Variants in ZNF804B observed in about 807,000 individuals in gnomAD.
The protein encoded by ZNF804B is zinc finger 804B.
ZNF804B carries 80 observed loss-of-function variants against 101.4 expected under a neutral mutation model. That is an observed-to-expected ratio of 0.79 (90% CI 0.66 to 0.95). ZNF804B has a LOEUF of 0.95. ZNF804B is among the 40% of genes least tolerant of loss of function. ZNF804B has a pLI of 0.00. For synonymous variants in ZNF804B, 622 were observed against 558.8 expected (o/e 1.11, Z -1.59); for missense variants, 1,673 against 1,561.9 (o/e 1.07, Z -1.20).
chr7:89,219,723 C>A (rs530945191), intron 2 of ZNF804B, among the ~76,000 whole-genome samples: 18 of 100,434 alleles, frequency 1.8e-4, no homozygotes, highest in Non-Finnish European at 2.9e-4. Context: ...ATGGACCTGG[C>A]ATGTTGGAAT....
intron 1 of ZNF804B, among the ~76,000 whole-genome samples, chr7:89,073,276 T>A (rs1228929153): frequency 6.6e-6 from 1 of 152,028 alleles, no homozygotes; most frequent in Non-Finnish European, 1.5e-5. Context: ...GGAAAATAAA[T>A]TTTCACCTTG....
intron 1 of ZNF804B, among the ~76,000 whole-genome samples, chr7:88,874,482 C>T (rs905600798): frequency 6.6e-6 from 1 of 151,976 alleles, no homozygotes; most frequent in Non-Finnish European, 1.5e-5. Context: ...TGCCTAATTG[C>T]CCTGGCTAGA....
intron 2 of ZNF804B, among the ~76,000 whole-genome samples, chr7:89,219,291 A>G (rs1788944752): frequency 6.6e-6 from 1 of 152,148 alleles, no homozygotes; most frequent in Non-Finnish European, 1.5e-5. Context: ...TATAGGAAAT[A>G]TTAGGTCTTT....
Position 89,308,541 on chromosome 7 carries a change from G to T in ZNF804B, c.250-18803G>T, listed in dbSNP as rs537591904. 2.1e-3 allele frequency among the ~76,000 whole-genome samples: 318 copies of T among 152,224 alleles called. 2 individuals carry two copies. Among genetic ancestry groups the T allele is most frequent in the Middle Eastern group, 3.4e-3 (1 of 294 alleles). ...ATATTACTAACAGTTAAATAATACT[G>T]ATATTTTTCTGCAAATATAATTACC... On this transcript the variant is annotated intron_variant, in intron 2 of 3. Transcript: ENST00000333190.
chr7:89,272,266 G>C (rs1789909897), intron 2 of ZNF804B, among the ~76,000 whole-genome samples: 1 of 151,968 alleles, frequency 6.6e-6, no homozygotes, highest in Non-Finnish European at 1.5e-5. Context: ...ATAGCAAATG[G>C]TCAATAAATA....
chr7:89,191,397 A>C (rs979869310), intron 1 of ZNF804B, among the ~76,000 whole-genome samples: 1 of 152,158 alleles, frequency 6.6e-6, no homozygotes, highest in African/African-American at 2.4e-5. Flanking sequence ...GCAACTGATA[A>C]GTGGCCATAA....
At chr7:89,136,865 G>A (rs1190600598) in intron 1 of ZNF804B, among the ~76,000 whole-genome samples, 1 of 151,896 alleles carries the variant, frequency 6.6e-6, no homozygotes, top group African/African-American at 2.4e-5. Context: ...TTGAATAATT[G>A]GGGGAGGTCT....
At chr7:88,811,502 T>C (rs1790786779) in intron 1 of ZNF804B, among the ~76,000 whole-genome samples, 1 of 152,208 alleles carries the variant, frequency 6.6e-6, no homozygotes. Context: ...TAAAACATTC[T>C]ATTATAAAGG....
At chr7:88,894,218 CTT>C (rs1237729027) in intron 1 of ZNF804B, among the ~76,000 whole-genome samples, 1 of 144,462 alleles carries the variant, frequency 6.9e-6, no homozygotes, top group Admixed American at 6.9e-5. Context: ...TATGCAATCC[CTT>C]TTTTTTTTTT....
chr7:89,129,458 T>C (rs1171892208), intron 1 of ZNF804B, among the ~76,000 whole-genome samples: 1 of 151,966 alleles, frequency 6.6e-6, no homozygotes, highest in Non-Finnish European at 1.5e-5. Context: ...AAAATAAATG[T>C]GCACTTCCCA....
At chr7:88,837,883 C>T (rs1249607224) in intron 1 of ZNF804B, among the ~76,000 whole-genome samples, 3 of 151,492 alleles carry the variant, frequency 2.0e-5, no homozygotes, top group Non-Finnish European at 4.4e-5. Context: ...CACTAATCTC[C>T]CCAAGTTTTT....
intron 1 of ZNF804B, among the ~76,000 whole-genome samples, chr7:89,119,043 T>C (rs1790359555): frequency 6.6e-6 from 1 of 152,196 alleles, no homozygotes; most frequent in Non-Finnish European, 1.5e-5. Context: ...GCCAATTGTA[T>C]CAGTTAATTC....
chr7:88,791,393 A>G (rs1375424666), intron 1 of ZNF804B, among the ~76,000 whole-genome samples: 1 of 152,090 alleles, frequency 6.6e-6, no homozygotes, highest in Non-Finnish European at 1.5e-5. Context: ...CACTGTGTTT[A>G]TTTTCCAGTT....
chr7:89,038,474 A>T (rs1421445901), intron 1 of ZNF804B, among the ~76,000 whole-genome samples: 1 of 152,050 alleles, frequency 6.6e-6, no homozygotes, highest in Non-Finnish European at 1.5e-5. Flanking sequence ...TTTGAGAAAC[A>T]TTTATTCAGG....
At chr7:89,074,395 C>G (rs772650858) in intron 1 of ZNF804B, among the ~76,000 whole-genome samples, 2 of 152,216 alleles carry the variant, frequency 1.3e-5, no homozygotes, top group South Asian at 4.1e-4. Flanking sequence ...CTGAATTAAG[C>G]GGCAGGTCTT....
intron 1 of ZNF804B, among the ~76,000 whole-genome samples, chr7:89,006,736 C>T (rs1376078493): frequency 6.6e-6 from 1 of 152,108 alleles, no homozygotes; most frequent in Non-Finnish European, 1.5e-5. Context: ...TTAACAGAGA[C>T]TTCACAAGGA....
chr7:89,202,363 T>G (rs1788654823), intron 1 of ZNF804B, among the ~76,000 whole-genome samples: 1 of 152,010 alleles, frequency 6.6e-6, no homozygotes, highest in African/African-American at 2.4e-5. Flanking sequence ...CAACTAGTGA[T>G]CTATGGACTA....
At chr7:89,146,706 T>C (rs1790794865) in intron 1 of ZNF804B, among the ~76,000 whole-genome samples, 1 of 151,966 alleles carries the variant, frequency 6.6e-6, no homozygotes, top group Admixed American at 6.6e-5. Flanking sequence ...GAACTTTATG[T>C]AAATTAAATT....
chr7:89,103,848 A>G (rs1583988274), intron 1 of ZNF804B, among the ~76,000 whole-genome samples: 1 of 151,960 alleles, frequency 6.6e-6, no homozygotes, highest in East Asian at 1.9e-4. Context: ...CTCATTCAGT[A>G]TGACATTGGT....
Sources: gnomAD v4.1 joint callset for allele counts (sites outside exome capture counted in the v4.1 genomes callset) on GRCh38, gnomAD v4.1.1 for gene constraint, MANE v1.5 for transcripts, NCBI Gene and HGNC (gene_info 2026-07-23, HGNC 2026-07-21) for gene names.